Variants in FHIP2A observed in about 807,000 individuals in gnomAD.
The protein encoded by FHIP2A is FHF complex subunit HOOK interacting protein 2A, also known as family with sequence similarity 160 member B1.
FHIP2A carries 46 observed loss-of-function variants against 93.5 expected under a neutral mutation model. The ratio of observed to expected loss-of-function variants is 0.49; its 90% CI spans 0.39 to 0.63. The LOEUF (loss-of-function observed/expected upper bound fraction) is 0.63, where lower values mean the gene tolerates loss of function less well. Among genes scored for constraint, FHIP2A ranks in the 20% least tolerant of loss-of-function variants. FHIP2A has a pLI of 0.00. For missense variants in FHIP2A, 769 were observed against 909.7 expected, an observed-to-expected ratio of 0.85 and a Z score of 1.99; for synonymous variants, 332 against 326.5, an observed-to-expected ratio of 1.02 and a Z score of -0.18.
chr10:114,873,186 T>C (rs1322402357), intron 16 of FHIP2A, among the ~76,000 whole-genome samples: 1 of 152,202 alleles, frequency 6.6e-6, no homozygotes. Context: ...CAGCTGTTCT[T>C]AAGAGTTTCC....
downstream of FHIP2A, among the ~76,000 whole-genome samples, chr10:114,869,673 G>A (rs1025162594): frequency 2.0e-5 from 3 of 152,120 alleles, no homozygotes; most frequent in African/African-American, 7.2e-5. Flanking sequence ...GCAGCTTCAA[G>A]TAAGCCTTTC....
At chr10:114,848,790 C>A in intron 13 of FHIP2A, 53 bp downstream of exon 13, 1 of 1,091,930 alleles carries the variant, frequency 9.2e-7, no homozygotes, top group Non-Finnish European at 1.4e-6. Context: ...GACACATGCA[C>A]ACCCCTTGTC....
At chr10:114,877,320 T>C (rs1033802805) in intron 16 of FHIP2A, among the ~76,000 whole-genome samples, 3 of 152,136 alleles carry the variant, frequency 2.0e-5, no homozygotes, top group Admixed American at 1.3e-4. Context: ...AGTTTCCAAA[T>C]TCATTCAATT....
At chr10:114,824,550 T>A (rs1461504061) in intron 1 of FHIP2A, among the ~76,000 whole-genome samples, 2 of 152,230 alleles carry the variant, frequency 1.3e-5, no homozygotes, top group Admixed American at 6.5e-5. Context: ...GATAGGAGGT[T>A]AAATCTCATG....
At chr10:114,851,714 C>CAAA (rs60649106) in intron 13 of FHIP2A, among the ~76,000 whole-genome samples, 2,438 of 81,810 alleles carry the variant, frequency 0.03, 150 homozygotes, top group African/African-American at 0.072. Flanking sequence ...TCCATTTCTG[C>CAAA]AAAAAAAAAA....
intron 1 of FHIP2A, among the ~76,000 whole-genome samples, chr10:114,830,538 C>T (rs2143009857): frequency 6.6e-6 from 1 of 152,146 alleles, no homozygotes; most frequent in East Asian, 1.9e-4. Flanking sequence ...TCCCAGAGTG[C>T]TGGGATTAGG....
chr10:114,878,390 G>C (rs565887118), intron 16 of FHIP2A, among the ~76,000 whole-genome samples: 24 of 152,320 alleles, frequency 1.6e-4, no homozygotes, highest in African/African-American at 5.8e-4. Flanking sequence ...CTGAGGATAA[G>C]AGGAGTGGGG....
At chr10:114,859,752 G>A (rs184335913) in intron 14 of FHIP2A, among the ~76,000 whole-genome samples, 34 of 152,266 alleles carry the variant, frequency 2.2e-4, no homozygotes, top group African/African-American at 7.2e-4. Flanking sequence ...GTAAAATCAC[G>A]ATATTACATG....
intron 5 of FHIP2A, among the ~76,000 whole-genome samples, chr10:114,840,410 TCTTA>T (rs1322858407): frequency 2.0e-5 from 3 of 152,196 alleles, no homozygotes; most frequent in South Asian, 2.1e-4. Flanking sequence ...AAGAGTTTAT[TCTTA>T]CTTGTAGATA....
intron 16 of FHIP2A, among the ~76,000 whole-genome samples, chr10:114,891,533 ATATATG>A (rs1376197145): frequency 1.2e-3 from 151 of 122,958 alleles, no homozygotes; most frequent in African/African-American, 5.8e-3. Flanking sequence ...GAATATATAT[ATATATG>A]TGTGTGTGTG....
At position 114,843,836 on chromosome 10, in the gene FHIP2A, C is replaced by T. The variant is rs1474964672; in HGVS notation, c.912C>T (p.Cys304=). ...CAAAGTGCCTTACACAGAGCACTTG[C>T]TTGTGTGAACTACTGACAGACAGAC... ...AAAKCLTQST[C]LCELLTDRLA... is the part of the protein sequence containing the mutation. The change falls in exon 7 of 17, where the codon TGC becomes TGT. Residue 304 remains cysteine, a synonymous_variant. Coordinates refer to ENST00000369248, the MANE Select transcript of FHIP2A (RefSeq NM_020940.4). 1 of 1,612,034 alleles carries T rather than the reference C, an allele frequency of 6.2e-7. No homozygotes were observed. The highest frequency in any genetic ancestry group is 1.1e-5 in the South Asian group (1 of 90,708).
At chr10:114,828,533 T>C (rs1353724512) in intron 1 of FHIP2A, among the ~76,000 whole-genome samples, 1 of 152,228 alleles carries the variant, frequency 6.6e-6, no homozygotes, top group Non-Finnish European at 1.5e-5. Flanking sequence ...CACTTAACTG[T>C]ATAAAGGTAG....
intron 5 of FHIP2A, among the ~76,000 whole-genome samples, chr10:114,840,515 C>A (rs934288672): frequency 6.6e-6 from 1 of 152,132 alleles, no homozygotes; most frequent in African/African-American, 2.4e-5. Flanking sequence ...TTTTATATGG[C>A]AGATTCTTTG....
At chr10:114,823,661 ATTT>A (rs71007496) in intron 1 of FHIP2A, among the ~76,000 whole-genome samples, 6 of 139,476 alleles carry the variant, frequency 4.3e-5, no homozygotes, top group Admixed American at 7.2e-5. Context: ...CACACGGCTA[ATTT>A]TTTTTTTTTT....
chr10:114,888,499 C>T (rs1387046322), intron 16 of FHIP2A, among the ~76,000 whole-genome samples: 3 of 152,202 alleles, frequency 2.0e-5, no homozygotes, highest in African/African-American at 7.2e-5. Flanking sequence ...AAAATACTCC[C>T]AAGAACTGCA....
At chr10:114,827,096 C>G (rs1247129094) in intron 1 of FHIP2A, among the ~76,000 whole-genome samples, 13 of 152,194 alleles carry the variant, frequency 8.5e-5, no homozygotes. Context: ...AATTATCCAT[C>G]TAGATACTTT....
Position 114,833,863 on chromosome 10 carries a change from A to G in FHIP2A, c.294+461A>G, listed in dbSNP as rs1407507156. ...TTACAAAGCTGAAATTGTGATATCA[A>G]TAATATTTTATATTCCAAAACCTTC... On this transcript the variant is annotated intron_variant, in intron 3 of 16. Coordinates refer to ENST00000369248, the MANE Select transcript of FHIP2A (RefSeq NM_020940.4). Among the ~76,000 whole-genome samples, 5 of 152,216 alleles carry G rather than the reference A, an allele frequency of 3.3e-5. No individual in the cohort carries two copies. The East Asian group carries it at 9.6e-4, about 29-fold the overall frequency.
chr10:114,827,346 CTG>C (rs2083582642), intron 1 of FHIP2A, among the ~76,000 whole-genome samples: 1 of 152,306 alleles, frequency 6.6e-6, no homozygotes. Context: ...ATACTTAACT[CTG>C]TGTCATGCCT....
chr10:114,882,418 A>G (rs1463116088), intron 16 of FHIP2A, among the ~76,000 whole-genome samples: 1 of 152,194 alleles, frequency 6.6e-6, no homozygotes, highest in Non-Finnish European at 1.5e-5. Flanking sequence ...ACAGGCTCAG[A>G]GAGAGGAGAG....
Sources: gnomAD v4.1 joint callset for allele counts (sites outside exome capture counted in the v4.1 genomes callset) on GRCh38, gnomAD v4.1.1 for gene constraint, MANE v1.5 for transcripts, NCBI Gene and HGNC (gene_info 2026-07-23, HGNC 2026-07-21) for gene names.